The following RGL1 variants were observed in gnomAD, a reference collection of about 807,000 sequenced individuals.
RGL1 encodes ral guanine nucleotide dissociation stimulator-like 1.
Under a neutral mutation model 95.2 loss-of-function variants are expected in RGL1, and 24 were observed. The ratio of observed to expected loss-of-function variants is 0.25; its 90% confidence interval spans 0.18 to 0.35. The LOEUF is 0.35. RGL1 is among the 10% of genes least tolerant of loss of function. The probability of loss-of-function intolerance (pLI) is 1.00; values close to 1 mark genes in which losing one functional copy is unlikely to be tolerated. For missense variants in RGL1, 715 were observed against 936.3 expected, an observed-to-expected ratio of 0.76 and a Z score of 3.08; for synonymous variants, 329 against 344.9, an observed-to-expected ratio of 0.95 and a Z score of 0.51.
intron 3 of RGL1, among the ~76,000 whole-genome samples, chr1:183,855,651 C>T (rs983304627): frequency 1.3e-5 from 2 of 152,154 alleles, no homozygotes; most frequent in African/African-American, 4.8e-5. Context: ...TGAACCCGCA[C>T]GACGGGTCTC....
At chr1:183,755,654 T>C (rs1035423938) in intron 2 of RGL1, among the ~76,000 whole-genome samples, 4 of 152,150 alleles carry the variant, frequency 2.6e-5, no homozygotes, top group Admixed American at 1.3e-4. Context: ...ATGGACATAT[T>C]TTATTATATG....
intron 2 of RGL1, among the ~76,000 whole-genome samples, chr1:183,747,783 G>A (rs570042652): frequency 6.6e-6 from 1 of 152,308 alleles, no homozygotes; most frequent in East Asian, 1.9e-4. Flanking sequence ...AGGGATATTG[G>A]CCTGAAGTTT....
At chr1:183,788,326 C>T (rs1660280038) in intron 2 of RGL1, among the ~76,000 whole-genome samples, 1 of 152,186 alleles carries the variant, frequency 6.6e-6, no homozygotes, top group Non-Finnish European at 1.5e-5. Flanking sequence ...GATGTCCCAG[C>T]TCAAGCAGTG....
At chr1:183,662,725 T>G (rs1272330695) in intron 1 of RGL1, among the ~76,000 whole-genome samples, 1 of 152,126 alleles carries the variant, frequency 6.6e-6, no homozygotes, top group Admixed American at 6.5e-5. Flanking sequence ...AAAGTTCATA[T>G]GGAACCAAAA....
intron 3 of RGL1, among the ~76,000 whole-genome samples, chr1:183,858,458 T>A (rs1487500808): frequency 6.6e-6 from 1 of 152,144 alleles, no homozygotes; most frequent in Non-Finnish European, 1.5e-5. Context: ...AGGCAGCCAT[T>A]ATGAATGAGA....
At chr1:183,911,209 A>T (rs1425493640) in intron 14 of RGL1, among the ~76,000 whole-genome samples, 1 of 152,194 alleles carries the variant, frequency 6.6e-6, no homozygotes, top group East Asian at 1.9e-4. Flanking sequence ...CCACATAAAT[A>T]GCAAATTGGA....
At chr1:183,824,051 G>A (rs1228351394) in intron 2 of RGL1, among the ~76,000 whole-genome samples, 1 of 151,400 alleles carries the variant, frequency 6.6e-6, no homozygotes, top group Non-Finnish European at 1.5e-5. Context: ...GCCTCTCAAG[G>A]TGTTGGGATT....
At position 183,701,489 on chromosome 1, in the gene RGL1, A is replaced by G. The variant is rs556330252; in HGVS notation, c.-32-40637A>G. ...GTATGGTCTATCAAGAAAGGCTTGA[A>G]GTCCTCTCTCAATCTTTTGTGCAAC... On this transcript the variant is annotated intron_variant, in intron 1 of 18. Transcript: ENST00000304685. Among the ~76,000 whole-genome samples the G allele has an allele frequency of 8.5e-5, 13 of 152,308 alleles. No homozygotes were observed. In the South Asian group the frequency reaches 2.7e-3, roughly 32 times the overall value.
At chr1:183,644,974 C>A (rs1234934860) in intron 1 of RGL1, among the ~76,000 whole-genome samples, 1 of 152,102 alleles carries the variant, frequency 6.6e-6, no homozygotes. Flanking sequence ...GTTGCCTAGA[C>A]CCTCCCAAAC....
rs376497299 is a variant in RGL1, at chr1:183,865,983, A to G, written c.348-13A>G. ...GACTGTTTTTGCTTGCTTGTTCATT[A>G]TTATCTCTACAGGTATGGAAACCTG... On this transcript the variant is annotated splice_polypyrimidine_tract_variant and intron_variant, in intron 3 of 17. Transcript: ENST00000360851. 5 of 1,605,056 alleles carry G rather than the reference A, an allele frequency of 3.1e-6. No homozygotes were observed. The highest frequency in any genetic ancestry group is 4.3e-6 in the Non-Finnish European group (5 of 1,172,096).
chr1:183,719,611 G>GA (rs1325974454), intron 1 of RGL1, among the ~76,000 whole-genome samples: 19 of 152,186 alleles, frequency 1.2e-4, no homozygotes, highest in Non-Finnish European at 1.9e-4. Context: ...AAAAAAAATA[G>GA]AAAAAAATTA....
At chr1:183,774,701 G>A (rs180688367) in intron 2 of RGL1, among the ~76,000 whole-genome samples, 10 of 150,116 alleles carry the variant, frequency 6.7e-5, no homozygotes, top group South Asian at 2.1e-4. Context: ...TCAGCCTCCC[G>A]AGTAGCTGGG....
chr1:183,793,838 G>A (rs1660554944), intron 2 of RGL1, among the ~76,000 whole-genome samples: 1 of 152,018 alleles, frequency 6.6e-6, no homozygotes. Flanking sequence ...ACAGCATGGA[G>A]TTTGTAAAAA....
chr1:183,714,416 G>T (rs1469871341), intron 1 of RGL1, among the ~76,000 whole-genome samples: 3 of 152,098 alleles, frequency 2.0e-5, no homozygotes, highest in Non-Finnish European at 4.4e-5. Context: ...TTCTAGCTTT[G>T]CCAGCATGCA....
intron 1 of RGL1, among the ~76,000 whole-genome samples, chr1:183,740,867 G>A (rs1309330593): frequency 2.0e-5 from 3 of 152,166 alleles, no homozygotes; most frequent in African/African-American, 7.2e-5. Context: ...TACTTACTCT[G>A]TGTGTGATAC....
At chr1:183,764,470 G>T (rs1189321064) in intron 2 of RGL1, among the ~76,000 whole-genome samples, 2 of 152,210 alleles carry the variant, frequency 1.3e-5, no homozygotes, top group East Asian at 1.9e-4. Flanking sequence ...ATACTATCTG[G>T]GAGCCCTAAT....
chr1:183,918,181 A>G (rs1669098521), intron 16 of RGL1, among the ~76,000 whole-genome samples: 1 of 152,222 alleles, frequency 6.6e-6, no homozygotes, highest in South Asian at 2.1e-4. Flanking sequence ...ATGACATCAG[A>G]TGGCATTGTC....
intron 3 of RGL1, among the ~76,000 whole-genome samples, chr1:183,849,826 G>A (rs1183563881): frequency 2.6e-5 from 4 of 152,148 alleles, no homozygotes; most frequent in South Asian, 4.1e-4. Flanking sequence ...ACTGCAAGGA[G>A]CATTTTTGAA....
In RGL1 at chr1:183,846,176, A is replaced by G. The variant is rs146114919; in HGVS notation, c.139-1390A>G. 9.5e-4 allele frequency among the ~76,000 whole-genome samples: 144 copies of G among 152,344 alleles called. 1 individual carries two copies. In the East Asian group the frequency reaches 0.022, roughly 23 times the overall value. ...CATCAGTGATAGACTGGATAAAGAA[A>G]ATGAGGCACATATACACCATGGAAT... On this transcript the variant is annotated intron_variant, in intron 2 of 17. Transcript: ENST00000360851.
Sources: allele counts gnomAD v4.1 joint callset (sites outside exome capture counted in the v4.1 genomes callset), GRCh38; gene constraint gnomAD v4.1.1; transcripts MANE v1.5; gene names NCBI Gene and HGNC (gene_info 2026-07-23, HGNC 2026-07-21).